RPS6KC1: variants seen among roughly 807,000 people sequenced by gnomAD.
RPS6KC1 encodes the protein inactive ribosomal protein S6 kinase delta-1.
A neutral mutation model predicts 103.8 loss-of-function variants in RPS6KC1; 54 were observed. The observed-to-expected ratio is 0.52, with a 90% CI of 0.42 to 0.65. RPS6KC1 has a LOEUF of 0.65. Ranked by LOEUF, RPS6KC1 falls within the 30% of genes least tolerant of loss-of-function variation. RPS6KC1 has a pLI of 0.00. For missense variants in RPS6KC1, 1,151 were observed against 1,253.8 expected (o/e 0.92, Z 1.24); for synonymous variants, 439 against 438.7 (o/e 1.00, Z -0.01).
At chr1:213,433,662 G>A in the RPS6KC1 span, among the ~76,000 whole-genome samples, 2 of 152,200 alleles carry the variant, frequency 1.3e-5, no homozygotes, top group Non-Finnish European at 2.9e-5. Flanking sequence ...TTTGATGATA[G>A]CGATTATAGT....
At chr1:213,460,062 G>T in the RPS6KC1 span, among the ~76,000 whole-genome samples, 8 of 152,188 alleles carry the variant, frequency 5.3e-5, no homozygotes, top group African/African-American at 1.9e-4. Flanking sequence ...ATATTCTGTT[G>T]ATTTGGGGTG....
the RPS6KC1 span, among the ~76,000 whole-genome samples, chr1:213,666,674 A>G: frequency 6.6e-6 from 1 of 152,232 alleles, no homozygotes; most frequent in African/African-American, 2.4e-5. Context: ...AATTTCCATG[A>G]TCACCAAATA....
At chr1:213,582,467 T>A in the RPS6KC1 span, among the ~76,000 whole-genome samples, 2 of 152,172 alleles carry the variant, frequency 1.3e-5, no homozygotes, top group African/African-American at 2.4e-5. Flanking sequence ...CTATCCTCTG[T>A]CACCAGGATC....
At chr1:213,744,332 C>T in the RPS6KC1 span, among the ~76,000 whole-genome samples, 2 of 152,182 alleles carry the variant, frequency 1.3e-5, no homozygotes, top group African/African-American at 4.8e-5. Flanking sequence ...CCTCTATCAG[C>T]CTCTAGCCAA....
the RPS6KC1 span, among the ~76,000 whole-genome samples, chr1:213,459,990 G>T: frequency 6.6e-6 from 1 of 152,168 alleles, no homozygotes; most frequent in African/African-American, 2.4e-5. Flanking sequence ...GCTAGGGAGT[G>T]TTTTACTTCC....
the RPS6KC1 span, among the ~76,000 whole-genome samples, chr1:213,467,027 A>G: frequency 1.3e-5 from 2 of 149,424 alleles, no homozygotes; most frequent in African/African-American, 4.9e-5. Context: ...TTTTTTTTTT[A>G]ACTAGTTTTA....
the RPS6KC1 span, among the ~76,000 whole-genome samples, chr1:213,805,462 C>CA: frequency 6.6e-6 from 1 of 152,118 alleles, no homozygotes; most frequent in African/African-American, 2.4e-5. Flanking sequence ...GATTTCATCT[C>CA]AAAAAAACCA....
the RPS6KC1 span, among the ~76,000 whole-genome samples, chr1:213,682,793 GC>G: frequency 6.6e-6 from 1 of 152,146 alleles, no homozygotes; most frequent in South Asian, 2.1e-4. Context: ...GTTTTTGGGT[GC>G]ATGCACTATA....
intron 3 of RPS6KC1, among the ~76,000 whole-genome samples, chr1:213,094,125 A>G (rs2081243168): frequency 1.3e-5 from 2 of 150,576 alleles, no homozygotes; most frequent in Non-Finnish European, 1.5e-5. Flanking sequence ...GAACACATAT[A>G]TATACGTTTT....
chr1:213,165,957 A>G (rs1232409624), intron 6 of RPS6KC1, among the ~76,000 whole-genome samples: 2 of 152,218 alleles, frequency 1.3e-5, no homozygotes, highest in African/African-American at 2.4e-5. Context: ...GTCCATTTCA[A>G]CTTCTGGCTT....
At chr1:213,337,492 T>C in the RPS6KC1 span, among the ~76,000 whole-genome samples, 1 of 152,178 alleles carries the variant, frequency 6.6e-6, no homozygotes, top group South Asian at 2.1e-4. Flanking sequence ...CTCTATGAAC[T>C]CCACTCTGTT....
intron 7 of RPS6KC1, among the ~76,000 whole-genome samples, chr1:213,168,688 T>A (rs1572979533): frequency 6.6e-6 from 1 of 152,210 alleles, no homozygotes; most frequent in South Asian, 2.1e-4. Flanking sequence ...AGTGGCACGA[T>A]CTAGGCTCAC....
chr1:213,120,004 T>C (rs145768053), intron 5 of RPS6KC1, among the ~76,000 whole-genome samples: 2 of 152,274 alleles, frequency 1.3e-5, no homozygotes, highest in East Asian at 3.9e-4. Flanking sequence ...GGGTGACCCT[T>C]CCTAAAGCAG....
chr1:213,595,042 C>G, the RPS6KC1 span, among the ~76,000 whole-genome samples: 2 of 152,148 alleles, frequency 1.3e-5, no homozygotes, highest in African/African-American at 4.8e-5. Flanking sequence ...AACAATACTT[C>G]TTTATTTCCC....
the RPS6KC1 span, among the ~76,000 whole-genome samples, chr1:213,594,838 G>A: frequency 6.6e-6 from 1 of 152,200 alleles, no homozygotes; most frequent in African/African-American, 2.4e-5. Flanking sequence ...GGGAGACAGA[G>A]ACAGTGCCAG....
At chr1:213,827,974 T>C in the RPS6KC1 span, among the ~76,000 whole-genome samples, 14 of 152,254 alleles carry the variant, frequency 9.2e-5, no homozygotes, top group East Asian at 1.2e-3. Context: ...CTTTTCTCCT[T>C]ATAAAGGGTT....
chr1:213,854,348 C>G, the RPS6KC1 span, among the ~76,000 whole-genome samples: 1 of 152,176 alleles, frequency 6.6e-6, no homozygotes, highest in African/African-American at 2.4e-5. Flanking sequence ...ACAAATATCA[C>G]CAAAATGTTC....
the RPS6KC1 span, among the ~76,000 whole-genome samples, chr1:213,468,007 C>T: frequency 8.5e-4 from 130 of 152,332 alleles, no homozygotes; most frequent in South Asian, 4.4e-3. Flanking sequence ...CATTTGTTCT[C>T]TCCTTTAAGA....
the RPS6KC1 span, among the ~76,000 whole-genome samples, chr1:213,861,459 G>A: frequency 2.0e-5 from 3 of 152,160 alleles, no homozygotes; most frequent in Non-Finnish European, 4.4e-5. Flanking sequence ...AGATAAAAAT[G>A]TTGCAGGGCA....
Sources: allele counts gnomAD v4.1 joint callset (sites outside exome capture counted in the v4.1 genomes callset), GRCh38; gene constraint gnomAD v4.1.1; transcripts MANE v1.5; gene names NCBI Gene and HGNC (gene_info 2026-07-23, HGNC 2026-07-21).